RSRC1: variants seen among roughly 807,000 people sequenced by gnomAD.
RSRC1 encodes the protein serine/Arginine-related protein 53.
A neutral mutation model predicts 49.1 loss-of-function variants in RSRC1; 39 were observed. That is an observed-to-expected ratio of 0.79 (90% confidence interval 0.61 to 1.04). RSRC1 has a LOEUF of 1.04. Ranked by LOEUF, RSRC1 falls within the 50% of genes least tolerant of loss-of-function variation. The pLI, the probability that RSRC1 is intolerant of heterozygous loss-of-function variation, is 0.00. For synonymous variants in RSRC1, 143 were observed against 130.8 expected, an observed-to-expected ratio of 1.09 and a Z score of -0.63; for missense variants, 388 against 402.4, an observed-to-expected ratio of 0.96 and a Z score of 0.31.
intron 7 of RSRC1, among the ~76,000 whole-genome samples, chr3:158,508,597 T>C (rs1459928924): frequency 6.6e-6 from 1 of 152,112 alleles, no homozygotes; most frequent in African/African-American, 2.4e-5. Flanking sequence ...AGTCCAAAAC[T>C]ATGAAGTGAA....
chr3:158,185,535 A>G (rs1719880306), intron 3 of RSRC1, among the ~76,000 whole-genome samples: 1 of 151,898 alleles, frequency 6.6e-6, no homozygotes, highest in African/African-American at 2.4e-5. Flanking sequence ...GGTGCTGTAA[A>G]CATCATTTTG....
At chr3:158,338,200 T>A (rs557669757) in intron 5 of RSRC1, among the ~76,000 whole-genome samples, 4 of 138,412 alleles carry the variant, frequency 2.9e-5, no homozygotes, top group Non-Finnish European at 6.3e-5. Flanking sequence ...ACAGCTATTA[T>A]ATAACTTTGC....
At chr3:158,437,129 C>A (rs1228934599) in intron 6 of RSRC1, among the ~76,000 whole-genome samples, 1 of 151,042 alleles carries the variant, frequency 6.6e-6, no homozygotes, top group Non-Finnish European at 1.5e-5. Context: ...AAAAAAAAAA[C>A]CTTTGGATGG....
intron 5 of RSRC1, among the ~76,000 whole-genome samples, chr3:158,307,068 C>G (rs906759088): frequency 1.3e-5 from 2 of 150,988 alleles, no homozygotes; most frequent in African/African-American, 4.9e-5. Context: ...AAGCAAGATG[C>G]GAAAGCTTGA....
At chr3:158,388,437 C>T (rs969314025) in intron 6 of RSRC1, among the ~76,000 whole-genome samples, 8 of 152,066 alleles carry the variant, frequency 5.3e-5, no homozygotes, top group Middle Eastern at 6.8e-3. Flanking sequence ...ATGAGCAGTG[C>T]ATGTACTAAT....
intron 7 of RSRC1, among the ~76,000 whole-genome samples, chr3:158,499,989 T>C (rs1739519324): frequency 6.6e-6 from 1 of 152,212 alleles, no homozygotes; most frequent in African/African-American, 2.4e-5. Context: ...CAGTATTATG[T>C]TGGCTGTGAG....
At chr3:158,481,415 G>A (rs1738611691) in intron 7 of RSRC1, among the ~76,000 whole-genome samples, 1 of 151,890 alleles carries the variant, frequency 6.6e-6, no homozygotes, top group African/African-American at 2.4e-5. Context: ...TGAAAAATTG[G>A]GAAATTGAGT....
At chr3:158,170,965 A>G (rs1718848468) in intron 3 of RSRC1, among the ~76,000 whole-genome samples, 1 of 152,148 alleles carries the variant, frequency 6.6e-6, no homozygotes, top group African/African-American at 2.4e-5. Flanking sequence ...TCAGACTCCA[A>G]GAAAAAACCA....
At chr3:158,197,805 A>G (rs1720731764) in intron 3 of RSRC1, among the ~76,000 whole-genome samples, 1 of 152,044 alleles carries the variant, frequency 6.6e-6, no homozygotes. Flanking sequence ...AGCGGTTTTG[A>G]GTGAGTTTCT....
chr3:158,114,128 G>A (rs912917045), intron 1 of RSRC1, among the ~76,000 whole-genome samples: 2 of 151,994 alleles, frequency 1.3e-5, no homozygotes, highest in Non-Finnish European at 2.9e-5. Flanking sequence ...TATAGTTTTG[G>A]GTTTTACATT....
At chr3:158,439,246 G>A (rs1736238599) in intron 6 of RSRC1, among the ~76,000 whole-genome samples, 1 of 152,250 alleles carries the variant, frequency 6.6e-6, no homozygotes. Context: ...CATTGTGGAA[G>A]ACAGTGTGGC....
At chr3:158,408,984 G>T (rs1250705521) in intron 6 of RSRC1, among the ~76,000 whole-genome samples, 1 of 152,016 alleles carries the variant, frequency 6.6e-6, no homozygotes, top group Non-Finnish European at 1.5e-5. Flanking sequence ...AGTGAGCCGA[G>T]ATCACGCTAC....
Position 158,417,306 on chromosome 3 carries a change from C to T in RSRC1, c.584-43629C>T, listed in dbSNP as rs1213007146. 9.2e-5 allele frequency among the ~76,000 whole-genome samples: 14 copies of T among 152,126 alleles called. No individual in the cohort carries two copies. In the South Asian group the frequency reaches 1.2e-3, roughly 14 times the overall value. On this transcript the variant is annotated intron_variant, in intron 6 of 9. Coordinates refer to ENST00000611884, the MANE Select transcript of RSRC1 (RefSeq NM_001271838.2). Reference sequence around the variant, plus strand: ...ATCCTTTTCCAACTCCTAAAGCTACCTTAATGCTATCATCAATCTGCTTTT... The same window carrying T: ...ATCCTTTTCCAACTCCTAAAGCTACTTTAATGCTATCATCAATCTGCTTTT...
At chr3:158,148,506 T>G (rs1398362495) in intron 3 of RSRC1, among the ~76,000 whole-genome samples, 2 of 152,040 alleles carry the variant, frequency 1.3e-5, no homozygotes, top group Non-Finnish European at 2.9e-5. Context: ...TTTCATGACT[T>G]AGAACCATGT....
intron 6 of RSRC1, among the ~76,000 whole-genome samples, chr3:158,425,568 G>A (rs1735375981): frequency 6.6e-6 from 1 of 151,952 alleles, no homozygotes; most frequent in East Asian, 1.9e-4. Flanking sequence ...TGTTGATTTG[G>A]GATGGAGAGT....
chr3:158,303,383 C>G (rs1045617301), intron 5 of RSRC1: 1 of 152,172 alleles, frequency 6.6e-6, no homozygotes, highest in Non-Finnish European at 1.5e-5. Flanking sequence ...CTAAAGCTTC[C>G]TTTGTTCTCT....
chr3:158,197,899 G>T (rs1250533454), intron 3 of RSRC1, among the ~76,000 whole-genome samples: 1 of 152,160 alleles, frequency 6.6e-6, no homozygotes, highest in African/African-American at 2.4e-5. Flanking sequence ...GCTGAGGAGA[G>T]CTTTATTCCC....
chr3:158,193,559 C>G (rs959951023), intron 3 of RSRC1, among the ~76,000 whole-genome samples: 1 of 151,934 alleles, frequency 6.6e-6, no homozygotes, highest in Non-Finnish European at 1.5e-5. Context: ...GAAAATAACC[C>G]GTATGTCTAT....
chr3:158,465,235 G>C (rs1422995582), intron 7 of RSRC1, among the ~76,000 whole-genome samples: 1 of 152,096 alleles, frequency 6.6e-6, no homozygotes, highest in Non-Finnish European at 1.5e-5. Context: ...CTCATAGTGT[G>C]TCCTCCACAC....
Sources: gnomAD v4.1 joint callset for allele counts (sites outside exome capture counted in the v4.1 genomes callset) on GRCh38, gnomAD v4.1.1 for gene constraint, MANE v1.5 for transcripts, NCBI Gene and HGNC (gene_info 2026-07-23, HGNC 2026-07-21) for gene names.